RHOBTB1: variants seen among roughly 807,000 people sequenced by gnomAD.
RHOBTB1 encodes the protein Rho related BTB domain containing 1.
Under a neutral mutation model 71.6 loss-of-function variants are expected in RHOBTB1, and 40 were observed. The observed-to-expected ratio is 0.56, with a 90% CI of 0.43 to 0.73. The LOEUF (loss-of-function observed/expected upper bound fraction) is 0.73. RHOBTB1 is among the 30% of genes least tolerant of loss of function. RHOBTB1 has a pLI of 0.00. For synonymous variants in RHOBTB1, 319 were observed against 334.9 expected (o/e 0.95, Z 0.52); for missense variants, 797 against 894.0 (o/e 0.89, Z 1.38).
At chr10:60,890,771 T>C (rs562867341) in intron 5 of RHOBTB1, among the ~76,000 whole-genome samples, 6 of 152,318 alleles carry the variant, frequency 3.9e-5, no homozygotes, top group Admixed American at 1.3e-4. Flanking sequence ...TTATAGGGTG[T>C]TGACAAAGGT....
chr10:60,982,976 A>G (rs539990155), intron 2 of RHOBTB1, among the ~76,000 whole-genome samples: 1 of 152,266 alleles, frequency 6.6e-6, no homozygotes, highest in East Asian at 1.9e-4. Flanking sequence ...TTATTGTTCC[A>G]TGGTCTTTTA....
chr10:60,893,238 C>T (rs1052842283), intron 4 of RHOBTB1, among the ~76,000 whole-genome samples: 8 of 152,150 alleles, frequency 5.3e-5, no homozygotes, highest in East Asian at 1.9e-4. Flanking sequence ...GATGCATTGA[C>T]GTTTCCGATG....
At chr10:60,884,734 C>G (rs2081486805) in intron 7 of RHOBTB1, among the ~76,000 whole-genome samples, 1 of 152,100 alleles carries the variant, frequency 6.6e-6, no homozygotes, top group African/African-American at 2.4e-5. Context: ...AAGCCAGGTA[C>G]AGAGAGACAA....
rs2080686836 is a variant in RHOBTB1 at position 60,869,608 on chromosome 10, T to C, written c.*1874A>G. Reference sequence around the variant, plus strand: ...CTTATACCCCAAGTTCATTTATACATCCATTATATTTTGGCAAGATTACAA... The same window carrying C: ...CTTATACCCCAAGTTCATTTATACACCCATTATATTTTGGCAAGATTACAA... On this transcript the variant is annotated 3_prime_UTR_variant, in exon 11 of 11. Transcript: ENST00000337910. The C allele has an allele frequency of 6.6e-6, 1 of 152,648 alleles. No homozygotes were observed. The highest frequency in any genetic ancestry group is 2.4e-5 in the African/African-American group (1 of 41,452). The allele number at this position is 152,648 out of a possible 1,614,324, so 9.5% of individuals were successfully genotyped here.
intron 1 of RHOBTB1, among the ~76,000 whole-genome samples, chr10:60,990,829 C>A (rs1446523448): frequency 6.6e-6 from 1 of 152,204 alleles, no homozygotes; most frequent in Non-Finnish European, 1.5e-5. Flanking sequence ...ATGAATGTCA[C>A]AATGAGTCAG....
chr10:61,000,026 T>C (rs1291608935), intron 1 of RHOBTB1, among the ~76,000 whole-genome samples: 2 of 152,364 alleles, frequency 1.3e-5, no homozygotes, highest in East Asian at 1.9e-4. Context: ...TCATCTTACA[T>C]GCATGGCATA....
At chr10:60,890,346 T>C (rs569197062) in intron 5 of RHOBTB1, among the ~76,000 whole-genome samples, 1 of 152,208 alleles carries the variant, frequency 6.6e-6, no homozygotes, top group Non-Finnish European at 1.5e-5. Context: ...AAGAAAAGTC[T>C]TTACATAACA....
intron 2 of RHOBTB1, among the ~76,000 whole-genome samples, chr10:60,972,988 G>T (rs1389878912): frequency 1.3e-5 from 2 of 152,040 alleles, no homozygotes; most frequent in Non-Finnish European, 2.9e-5. Context: ...TGGGGTTCAT[G>T]AATCCTTAAA....
rs146008665 is a variant in RHOBTB1 at position 60,956,140 on chromosome 10, G to A, written c.-61-14286C>T. Among the ~76,000 whole-genome samples the A allele has an allele frequency of 2.2e-3, 339 of 152,258 alleles. 1 individual carries two copies. Among genetic ancestry groups the A allele is most frequent in the African/African-American group, 6.9e-3 (287 of 41,538 alleles). On this transcript the variant is annotated intron_variant, in intron 2 of 11. Coordinates refer to the RHOBTB1 transcript ENST00000357917. ...ACACCTAGGCTATATGGTATAGCCCGTTGTTTCTAGGCTGCAAACCTGTAC... is the reference window on the plus strand; with the variant it reads ...ACACCTAGGCTATATGGTATAGCCCATTGTTTCTAGGCTGCAAACCTGTAC...
At chr10:60,892,076 C>A (rs1052296125) in intron 5 of RHOBTB1, among the ~76,000 whole-genome samples, 1 of 152,182 alleles carries the variant, frequency 6.6e-6, no homozygotes, top group Non-Finnish European at 1.5e-5. Context: ...CGCAGCCATG[C>A]TAAACTGTGA....
intron 1 of RHOBTB1, among the ~76,000 whole-genome samples, chr10:60,993,539 T>C (rs1393658216): frequency 6.6e-6 from 1 of 152,136 alleles, no homozygotes; most frequent in Non-Finnish European, 1.5e-5. Flanking sequence ...GAGAACAAAA[T>C]TTGTTACTAT....
chr10:60,916,372 A>G (rs1423765096), intron 2 of RHOBTB1, among the ~76,000 whole-genome samples: 2 of 152,232 alleles, frequency 1.3e-5, no homozygotes, highest in African/African-American at 4.8e-5. Context: ...AGCTCAGCCA[A>G]TCCTACAGCT....
rs150701810 is a variant in RHOBTB1 at position 60,892,917 on chromosome 10, T to C, written c.375A>G (p.Glu125=). ...LNHVKSMWYP[E]IKHFCPRTPV... is the part of the protein sequence containing the mutation. ...GTGTTCGAGGGCAAAAGTGCTTGAT[T>C]TCTGGATACCACATGCTTTTCACAT... The change falls in exon 5 of 11, where the codon GAA becomes GAG. Residue 125 remains glutamate (E), a synonymous_variant. Coordinates refer to ENST00000337910, the MANE Select transcript of RHOBTB1 (RefSeq NM_014836.5). The C allele has an allele frequency of 3.9e-4, 634 of 1,614,106 alleles. 1 individual carries two copies. The African/African-American group carries it at 7.5e-3, about 19-fold the overall frequency.
chr10:60,900,118 G>A (rs1238307994), intron 4 of RHOBTB1, among the ~76,000 whole-genome samples: 3 of 152,162 alleles, frequency 2.0e-5, no homozygotes, highest in African/African-American at 4.8e-5. Context: ...AAGTCTTTGA[G>A]CAGAACGTAG....
chr10:60,986,406 T>G (rs2086662414), intron 1 of RHOBTB1, among the ~76,000 whole-genome samples: 2 of 94,902 alleles, frequency 2.1e-5, no homozygotes, highest in Non-Finnish European at 3.9e-5. Flanking sequence ...AAATAAAAGA[T>G]ATATATATAT....
chr10:60,927,086 T>C (rs1187524691), intron 2 of RHOBTB1, among the ~76,000 whole-genome samples: 1 of 151,908 alleles, frequency 6.6e-6, no homozygotes, highest in Non-Finnish European at 1.5e-5. Context: ...ATGAACAATA[T>C]GAAAAAGAAA....
Position 60,872,169 on chromosome 10 carries a change from C to A in RHOBTB1, c.1921+16G>T, listed in dbSNP as rs1213334892. 6.4e-7 allele frequency: 1 copy of A among 1,551,106 alleles called. No homozygotes were observed. The highest frequency in any genetic ancestry group is 1.1e-5 in the South Asian group (1 of 89,822). ...GTGAGGAGAGCTGGATGAATGGGGGCCTCACACAGTCTCACCTGCAGATTT... is the reference window on the plus strand; with the variant it reads ...GTGAGGAGAGCTGGATGAATGGGGGACTCACACAGTCTCACCTGCAGATTT... On this transcript the variant is annotated intron_variant, in intron 10 of 10. Transcript: ENST00000337910.
chr10:60,934,633 G>A (rs1350331651), intron 2 of RHOBTB1, among the ~76,000 whole-genome samples: 1 of 152,128 alleles, frequency 6.6e-6, no homozygotes, highest in Non-Finnish European at 1.5e-5. Flanking sequence ...ATACACAAAG[G>A]GAAACAAGTT....
chr10:60,943,023 G>A (rs2084994679), intron 1 of RHOBTB1, among the ~76,000 whole-genome samples: 1 of 152,158 alleles, frequency 6.6e-6, no homozygotes, highest in South Asian at 2.1e-4. Flanking sequence ...AAGTCAGGGC[G>A]ACTCTTCTGG....
Sources: allele counts gnomAD v4.1 joint callset (sites outside exome capture counted in the v4.1 genomes callset), GRCh38; gene constraint gnomAD v4.1.1; transcripts MANE v1.5; gene names NCBI Gene and HGNC (gene_info 2026-07-23, HGNC 2026-07-21).